TRHDE: variants seen among roughly 807,000 people sequenced by gnomAD.
The protein encoded by TRHDE is thyrotropin releasing hormone degrading enzyme.
In TRHDE, 72 loss-of-function variants were observed where a neutral mutation model predicts 125.7. The ratio of observed to expected loss-of-function variants is 0.57; its 90% CI spans 0.47 to 0.70. The LOEUF (loss-of-function observed/expected upper bound fraction) is 0.70. Among genes scored for constraint, TRHDE ranks in the 30% least tolerant of loss-of-function variants. The probability of loss-of-function intolerance (pLI) is 0.00; values close to 1 mark genes in which losing one functional copy is unlikely to be tolerated. For missense variants in TRHDE, 1,110 were observed against 1,327.1 expected (o/e 0.84, Z 2.54); for synonymous variants, 509 against 509.1 (o/e 1.00, Z 0.00).
chr12:72,123,277 T>C (rs1012368479), intron 2 of TRHDE, among the ~76,000 whole-genome samples: 1 of 152,150 alleles, frequency 6.6e-6, no homozygotes, highest in African/African-American at 2.4e-5. Context: ...TGAATATTTC[T>C]GGAAGATTAA....
intron 6 of TRHDE, among the ~76,000 whole-genome samples, chr12:72,519,265 C>T (rs560266345): frequency 1.3e-5 from 2 of 152,270 alleles, no homozygotes; most frequent in East Asian, 1.9e-4. Flanking sequence ...CCATTCTCCC[C>T]GTCACTTTCA....
chr12:72,559,679 C>T (rs910182141), intron 7 of TRHDE, among the ~76,000 whole-genome samples: 1 of 152,160 alleles, frequency 6.6e-6, no homozygotes, highest in Non-Finnish European at 1.5e-5. Flanking sequence ...AATGTCAAAT[C>T]TGCTGAAGAC....
chr12:72,089,633 T>A (rs1354344850), intron 1 of TRHDE, among the ~76,000 whole-genome samples: 3 of 152,238 alleles, frequency 2.0e-5, no homozygotes, highest in African/African-American at 7.2e-5. Flanking sequence ...ATGAAGCCCA[T>A]GCTGATGACC....
chr12:72,412,423 A>G (rs1367315634), intron 3 of TRHDE, among the ~76,000 whole-genome samples: 1 of 152,106 alleles, frequency 6.6e-6, no homozygotes, highest in African/African-American at 2.4e-5. Context: ...ATCCGACAAT[A>G]CCAGTCACTG....
At chr12:72,324,786 C>T (rs1869261652) in intron 2 of TRHDE, among the ~76,000 whole-genome samples, 1 of 152,096 alleles carries the variant, frequency 6.6e-6, no homozygotes, top group African/African-American at 2.4e-5. Context: ...TCATTTTCAT[C>T]CCTAGATTTC....
intron 10 of TRHDE, among the ~76,000 whole-genome samples, chr12:72,574,337 C>A (rs537343592): frequency 4.3e-4 from 66 of 151,916 alleles, no homozygotes; most frequent in African/African-American, 1.5e-3. Flanking sequence ...TAGAGGAGAC[C>A]CATGTGGTTT....
chr12:72,378,587 T>A (rs901843199), intron 3 of TRHDE, among the ~76,000 whole-genome samples: 11 of 152,222 alleles, frequency 7.2e-5, no homozygotes, highest in Admixed American at 6.5e-4. Flanking sequence ...ATATTTTACA[T>A]GGAGAAGACA....
chr12:72,634,804 A>G (rs1378449913), intron 15 of TRHDE, among the ~76,000 whole-genome samples: 1 of 151,302 alleles, frequency 6.6e-6, no homozygotes, highest in Non-Finnish European at 1.5e-5. Flanking sequence ...TTCCAATTTC[A>G]TCCATGTCCC....
At chr12:72,554,143 C>T (rs1031175175) in intron 7 of TRHDE, among the ~76,000 whole-genome samples, 4 of 152,044 alleles carry the variant, frequency 2.6e-5, no homozygotes, top group East Asian at 1.9e-4. Context: ...CCACCGCTCC[C>T]GGCCAAGTCC....
intron 6 of TRHDE, among the ~76,000 whole-genome samples, chr12:72,524,812 A>C (rs919834573): frequency 1.3e-5 from 2 of 152,146 alleles, no homozygotes; most frequent in Non-Finnish European, 2.9e-5. Flanking sequence ...TAAAGCTTCT[A>C]CTATAAGAGG....
intron 15 of TRHDE, among the ~76,000 whole-genome samples, chr12:72,649,774 G>A (rs1227233094): frequency 6.6e-6 from 1 of 151,932 alleles, no homozygotes; most frequent in African/African-American, 2.4e-5. Context: ...GTGGCCAACA[G>A]CTATGTGAAA....
chr12:72,190,998 T>G (rs777985816), intron 2 of TRHDE, among the ~76,000 whole-genome samples: 2 of 152,248 alleles, frequency 1.3e-5, no homozygotes, highest in African/African-American at 2.4e-5. Context: ...TGCTGCCATA[T>G]TTCTGCATGC....
intron 6 of TRHDE, among the ~76,000 whole-genome samples, chr12:72,501,831 T>G (rs541740635): frequency 6.6e-6 from 1 of 152,230 alleles, no homozygotes; most frequent in East Asian, 1.9e-4. Flanking sequence ...CCTGGGAAGG[T>G]TTTTAACTAA....
intron 2 of TRHDE, among the ~76,000 whole-genome samples, chr12:72,372,554 A>G (rs1294204617): frequency 6.6e-6 from 1 of 152,148 alleles, no homozygotes; most frequent in Non-Finnish European, 1.5e-5. Flanking sequence ...TCCATCTTGA[A>G]TTAATTTTTG....
At chr12:72,438,700 G>C (rs1874859433) in intron 3 of TRHDE, among the ~76,000 whole-genome samples, 1 of 151,744 alleles carries the variant, frequency 6.6e-6, no homozygotes, top group African/African-American at 2.4e-5. Flanking sequence ...TGTAGAGTTT[G>C]CAAATATTTT....
intron 2 of TRHDE, among the ~76,000 whole-genome samples, chr12:72,372,345 G>C (rs1871641864): frequency 6.6e-6 from 1 of 152,000 alleles, no homozygotes; most frequent in Non-Finnish European, 1.5e-5. Context: ...TAGGTTGCCT[G>C]TTCACTCTGA....
intron 2 of TRHDE, chr12:72,256,443 G>C (rs1246018161): frequency 6.6e-6 from 1 of 151,970 alleles, no homozygotes; most frequent in Non-Finnish European, 1.5e-5. Flanking sequence ...ATCATATTTA[G>C]TATTGTAACC....
intron 2 of TRHDE, among the ~76,000 whole-genome samples, chr12:72,289,778 A>G (rs1880020130): frequency 6.6e-6 from 1 of 152,220 alleles, no homozygotes; most frequent in African/African-American, 2.4e-5. Flanking sequence ...ATAATATGTC[A>G]GAGAGTGATA....
Position 72,264,341 on chromosome 12 carries a change from T to C in TRHDE, n.280-113654T>C, listed in dbSNP as rs763273526. 10 of 152,120 alleles carry C rather than the reference T, an allele frequency of 6.6e-5. 1 individual carries two copies. The highest frequency in any genetic ancestry group is 1.5e-4 in the Non-Finnish European group (10 of 67,886). 9.4% of individuals were successfully genotyped at this position (152,120 alleles called of 1,614,324 possible). A position where few individuals can be genotyped will look rare whatever the true frequency, so the allele number is the denominator to read the frequency against. On this transcript the variant is annotated intron_variant and non_coding_transcript_variant, in intron 2 of 4. Transcript: ENST00000548156. ...GCTGCATATGAGACTAAATCAGATA[T>C]GGGAGCTTTTTCTAAAACAGGACTA...
Sources: allele counts gnomAD v4.1 joint callset (sites outside exome capture counted in the v4.1 genomes callset), GRCh38; gene constraint gnomAD v4.1.1; transcripts MANE v1.5; gene names NCBI Gene and HGNC (gene_info 2026-07-23, HGNC 2026-07-21).